VWF: variants seen among roughly 807,000 people sequenced by gnomAD.
VWF encodes Factor VIII related antigen.
A neutral mutation model predicts 308.6 loss-of-function variants in VWF; 176 were observed. That is an observed-to-expected ratio of 0.57 (90% confidence interval 0.50 to 0.65). VWF has a LOEUF of 0.65. VWF is among the 30% of genes least tolerant of loss of function. The pLI, the probability that VWF is intolerant of heterozygous loss-of-function variation, is 0.00. For missense variants in VWF, 3,146 were observed against 3,648.2 expected (o/e 0.86, Z 3.55); for synonymous variants, 1,385 against 1,443.4 (o/e 0.96, Z 0.92).
chr12:5,963,689 T>C (rs1943343672), intron 47 of VWF, among the ~76,000 whole-genome samples: 1 of 152,148 alleles, frequency 6.6e-6, no homozygotes, highest in Admixed American at 6.5e-5. Flanking sequence ...TTTTGTTTCG[T>C]TTTTGAGACA....
Position 6,060,410 on chromosome 12 carries a change from C to A in VWF, c.1534-2366G>T, listed in dbSNP as rs1370452194. On this transcript the variant is annotated intron_variant, in intron 13 of 51. Transcript: ENST00000261405. The surrounding 1 kb of genome is among the most constrained non-coding windows in gnomAD (Gnocchi z 5.1). ...GCCCCTAGCTGCACCTCCTCTTGCA[C>A]CGCCTCTGCCCCAGCTGGCCTCCCT... Among the ~76,000 whole-genome samples the A allele has an allele frequency of 2.6e-5, 4 of 152,052 alleles. No homozygotes were observed. Among genetic ancestry groups the A allele is most frequent in the African/African-American group, 9.7e-5 (4 of 41,426 alleles).
At chr12:6,014,727 C>T (rs1944038070) in intron 31 of VWF, among the ~76,000 whole-genome samples, 1 of 152,084 alleles carries the variant, frequency 6.6e-6, no homozygotes, top group Admixed American at 6.5e-5. Flanking sequence ...ATTTCAAAGT[C>T]AAAGATGTAT....
chr12:6,095,189 A>G, intron 6 of VWF: 1 of 462,010 alleles, frequency 2.2e-6, no homozygotes, highest in Middle Eastern at 6.6e-4. Context: ...AAGATAATTT[A>G]TGTTCCTTAA....
intron 42 of VWF, among the ~76,000 whole-genome samples, chr12:5,979,121 G>A (rs896255134): frequency 6.6e-5 from 10 of 152,174 alleles, no homozygotes; most frequent in Admixed American, 2.0e-4. Context: ...AACCTCTTTC[G>A]CTGTCCTTGA....
At chr12:6,079,503 G>A (rs1015579621) in intron 6 of VWF, among the ~76,000 whole-genome samples, 2 of 152,052 alleles carry the variant, frequency 1.3e-5, no homozygotes, top group African/African-American at 4.8e-5. Flanking sequence ...CCAGCTATTC[G>A]GGAGGCTGAG....
chr12:6,002,471 C>A (rs1359778298), intron 34 of VWF, among the ~76,000 whole-genome samples: 1 of 151,622 alleles, frequency 6.6e-6, no homozygotes, highest in Non-Finnish European at 1.5e-5. Context: ...TATATACAAA[C>A]AATAAACAAA....
chr12:6,039,698 T>G (rs541779776), intron 18 of VWF, among the ~76,000 whole-genome samples: 1 of 152,266 alleles, frequency 6.6e-6, no homozygotes, highest in South Asian at 2.1e-4. Flanking sequence ...AAACAGGCCC[T>G]TCTTTGGATC....
chr12:5,949,686 G>A, intron 51 of VWF, 100 bp downstream of exon 51: 5 of 1,250,288 alleles, frequency 4.0e-6, no homozygotes, highest in Non-Finnish European at 5.9e-6. Flanking sequence ...TCTCTTCCCT[G>A]CGAATTTTCC....
chr12:5,966,933 C>T (rs549657516), intron 47 of VWF, among the ~76,000 whole-genome samples: 14 of 152,244 alleles, frequency 9.2e-5, no homozygotes, highest in Non-Finnish European at 2.1e-4. Context: ...TTTCATCTCC[C>T]AAACTAGGAA....
rs201377447 is a variant in VWF at position 6,123,127 on chromosome 12, C to T, written c.55+15G>A. 114 of 1,614,140 alleles carry T rather than the reference C, an allele frequency of 7.1e-5. No individual in the cohort carries two copies. In the East Asian group the frequency reaches 1.5e-3, roughly 22 times the overall value. ...CTGGGGCAGGAATGAGAAATGGAGG[C>T]CCTTTTGTACCTACCTGGCAAAATG... On this transcript the variant is annotated intron_variant, in intron 2 of 51. Coordinates refer to ENST00000261405, the MANE Select transcript of VWF (RefSeq NM_000552.5).
chr12:6,103,952 A>G (rs898356283), intron 5 of VWF, among the ~76,000 whole-genome samples: 1 of 152,238 alleles, frequency 6.6e-6, no homozygotes, highest in Non-Finnish European at 1.5e-5. Flanking sequence ...CTGCACAGCA[A>G]AAGAAATCAT....
At chr12:5,991,797 A>G (rs770539279) in intron 38 of VWF, 22 bp downstream of exon 38, 1 of 1,612,968 alleles carries the variant, frequency 6.2e-7, no homozygotes, top group Non-Finnish European at 8.5e-7. Flanking sequence ...CCCCATGGGA[A>G]GTGAAAGGCC....
At chr12:6,016,947 A>G in intron 28 of VWF, 77 bp from the exon 29 acceptor site, 1 of 1,490,756 alleles carries the variant, frequency 6.7e-7, no homozygotes, top group Non-Finnish European at 9.3e-7. Flanking sequence ...CCTGACATCC[A>G]ATAGGATCTG....
Position 6,065,167 on chromosome 12 carries a change from G to A in VWF, c.1263C>T (p.His421=). 1 of 1,614,260 alleles carries A rather than the reference G, an allele frequency of 6.2e-7. No individual in the cohort carries two copies. Among genetic ancestry groups the A allele is most frequent in the Non-Finnish European group, 8.5e-7 (1 of 1,180,050 alleles). Residue 421 remains histidine (H), a synonymous_variant, in exon 11 of 52, where the codon CAC becomes CAT. Transcript: ENST00000261405. Reference sequence around the variant, plus strand: ...CAGTCTCAATGACAATGGAGAAGGAGTGGTCCTGGCAATCCCGGGCCAGCA... The same window carrying A: ...CAGTCTCAATGACAATGGAGAAGGAATGGTCCTGGCAATCCCGGGCCAGCA... ...QYLLARDCQD[H]SFSIVIETVQ... is the part of the protein sequence containing the mutation.
In VWF at chr12:6,110,850, G is replaced by T; in HGVS notation, c.323+16C>A. On this transcript the variant is annotated intron_variant, in intron 4 of 51. Transcript: ENST00000261405. Reference sequence around the variant, plus strand: ...GATCCCTAGGGTCCTTTCTAACTCAGACATTGTTGGCTTACCTTTGGTCCC... The same window carrying T: ...GATCCCTAGGGTCCTTTCTAACTCATACATTGTTGGCTTACCTTTGGTCCC... 1 of 1,612,484 alleles carries T rather than the reference G, an allele frequency of 6.2e-7. No individual in the cohort carries two copies. The highest frequency in any genetic ancestry group is 2.2e-5 in the East Asian group (1 of 44,870).
In VWF at chr12:5,969,260, GCCCGAGGGGCAGACAGGGAC is replaced by G; in HGVS notation, c.7660_7679del (p.Val2554LeufsTer6). 1 of 1,614,184 alleles carries G rather than the reference GCCCGAGGGGCAGACAGGGAC, an allele frequency of 6.2e-7. No homozygotes were observed. Among genetic ancestry groups the G allele is most frequent in the Non-Finnish European group, 8.5e-7 (1 of 1,180,020 alleles). ...CTGAGGTCTTACAGCTCAGCTGAAA[GCCCGAGGGGCAGACAGGGAC>G]CTCCAGCTGGGGGCAGGAGACGTTC... On this transcript the variant is annotated frameshift_variant, in exon 45 of 52. Transcript: ENST00000261405. LOFTEE classifies it high-confidence loss of function.
intron 37 of VWF, 114 bp downstream of exon 37, chr12:5,993,748 G>T: frequency 2.1e-6 from 2 of 940,676 alleles, no homozygotes; most frequent in Non-Finnish European, 3.3e-6. Flanking sequence ...CAGGTCATAC[G>T]AAATACAGGG....
At chr12:5,991,211 GCA>G (rs1943739274) in intron 38 of VWF, among the ~76,000 whole-genome samples, 1 of 112,384 alleles carries the variant, frequency 8.9e-6, no homozygotes. Flanking sequence ...ACACACGCAT[GCA>G]CACACACGCT....
At chr12:6,012,377 T>C (rs1323534196) in intron 32 of VWF, among the ~76,000 whole-genome samples, 2 of 152,246 alleles carry the variant, frequency 1.3e-5, no homozygotes, top group Non-Finnish European at 2.9e-5. Context: ...TGGCAATAAC[T>C]ACAGCTTACG....
Sources: gnomAD v4.1 joint callset for allele counts (sites outside exome capture counted in the v4.1 genomes callset) on GRCh38, gnomAD v4.1.1 for gene constraint, Gnocchi (gnomAD v3.1) non-coding constraint, MANE v1.5 for transcripts, NCBI Gene and HGNC (gene_info 2026-07-23, HGNC 2026-07-21) for gene names.